Variants in NXPE2 observed in about 807,000 individuals in gnomAD.
The protein encoded by NXPE2 is NXPE family member 2.
In NXPE2, 34 loss-of-function variants were observed where a neutral mutation model predicts 34.4. The ratio of observed to expected loss-of-function variants is 0.99; its 90% CI spans 0.75 to 1.31. The LOEUF (loss-of-function observed/expected upper bound fraction) is 1.31, where lower values mean the gene tolerates loss of function less well. Ranked by LOEUF, NXPE2 falls within the 40% of genes most tolerant of loss-of-function variation. The pLI is 0.00. For missense variants in NXPE2, 649 were observed against 672.5 expected (o/e 0.97, Z 0.39); for synonymous variants, 235 against 231.3 (o/e 1.02, Z -0.15).
At chr11:114,597,331 T>C in the NXPE2 span, among the ~76,000 whole-genome samples, 21,825 of 152,182 alleles carry the variant, frequency 0.14, 1,991 homozygotes, top group East Asian at 0.4. Context: ...AACAGTGATC[T>C]GAAATCTGAA....
At chr11:114,482,527 A>G in the NXPE2 span, among the ~76,000 whole-genome samples, 1 of 152,138 alleles carries the variant, frequency 6.6e-6, no homozygotes, top group East Asian at 1.9e-4. Context: ...TTTTAACTAT[A>G]TTTTCAACAT....
At chr11:114,552,875 A>C in the NXPE2 span, 1 of 978,146 alleles carries the variant, frequency 1.0e-6, no homozygotes, top group African/African-American at 1.8e-5. Context: ...GGTAGCACAG[A>C]ATGCACTGAA....
chr11:114,508,916 T>C, the NXPE2 span, among the ~76,000 whole-genome samples: 6 of 151,824 alleles, frequency 4.0e-5, no homozygotes, highest in Non-Finnish European at 7.4e-5. Context: ...CTAAACTAAA[T>C]AGCACAGCAA....
chr11:114,682,077 G>A (rs1298489040), intron 2 of NXPE2, among the ~76,000 whole-genome samples: 2 of 152,090 alleles, frequency 1.3e-5, no homozygotes, highest in African/African-American at 4.8e-5. Flanking sequence ...TGAGAGAGGA[G>A]ACTTAATTTT....
At chr11:114,787,225 G>A in the NXPE2 span, among the ~76,000 whole-genome samples, 549 of 152,232 alleles carry the variant, frequency 3.6e-3, 3 homozygotes, top group African/African-American at 0.012. Context: ...AAAAAGCTCG[G>A]GAGCCTCCCT....
the NXPE2 span, chr11:114,512,761 C>T: frequency 2.2e-4 from 36 of 161,002 alleles, no homozygotes; most frequent in Non-Finnish European, 3.7e-4. Flanking sequence ...GTGAAAGGCT[C>T]TGCCCTTCTG....
the NXPE2 span, among the ~76,000 whole-genome samples, chr11:114,770,122 T>A: frequency 1.3e-5 from 2 of 152,226 alleles, no homozygotes; most frequent in Non-Finnish European, 2.9e-5. Flanking sequence ...TCTGCAAAGA[T>A]CTTTCCTTGG....
intron 2 of NXPE2, among the ~76,000 whole-genome samples, chr11:114,684,333 A>G (rs910046388): frequency 6.6e-6 from 1 of 152,072 alleles, no homozygotes; most frequent in Non-Finnish European, 1.5e-5. Flanking sequence ...AGTCTGAGGC[A>G]GGAGAATGGC....
chr11:114,523,159 C>G, the NXPE2 span: 2 of 1,111,658 alleles, frequency 1.8e-6, no homozygotes, highest in Non-Finnish European at 1.3e-6. Flanking sequence ...CTTTCCTGGT[C>G]TTTCATTTTC....
intron 2 of NXPE2, among the ~76,000 whole-genome samples, chr11:114,682,605 T>C (rs1565380610): frequency 1.3e-5 from 2 of 152,200 alleles, no homozygotes. Context: ...TACAGGAAGA[T>C]GCAAGGAAGT....
rs186862038 is a variant in NXPE2, at chr11:114,688,451, G to A, written c.132+8689G>A. 2.2e-3 allele frequency among the ~76,000 whole-genome samples: 333 copies of A among 152,150 alleles called. 1 individual carries two copies. The highest frequency in any genetic ancestry group is 3.7e-3 in the Non-Finnish European group (252 of 67,942). Reference sequence around the variant, plus strand: ...GGAATAAAGCCCACTTAATTGTGGCGAATTAACTTTTGATGTGCTGCTGAA... The same window carrying A: ...GGAATAAAGCCCACTTAATTGTGGCAAATTAACTTTTGATGTGCTGCTGAA... On this transcript the variant is annotated intron_variant, in intron 2 of 5. Coordinates refer to ENST00000389586, the MANE Select transcript of NXPE2 (RefSeq NM_182495.6).
the NXPE2 span, among the ~76,000 whole-genome samples, chr11:114,536,403 G>C: frequency 1.3e-5 from 2 of 152,136 alleles, no homozygotes; most frequent in Admixed American, 6.6e-5. Context: ...ATATTCAAAA[G>C]CTAGCAGAAG....
At chr11:114,707,903 G>A (rs1620705), downstream of NXPE2, among the ~76,000 whole-genome samples, 51,544 of 152,014 alleles carry the variant, frequency 0.34, 9,055 homozygotes, top group South Asian at 0.38. Flanking sequence ...ATAATATTCC[G>A]TTGTAAGTAT....
chr11:114,642,001 A>T, the NXPE2 span, among the ~76,000 whole-genome samples: 1 of 152,218 alleles, frequency 6.6e-6, no homozygotes, highest in East Asian at 1.9e-4. Flanking sequence ...GATAAATTTT[A>T]AAAACCCAAA....
At chr11:114,575,149 G>A in the NXPE2 span, among the ~76,000 whole-genome samples, 1 of 151,788 alleles carries the variant, frequency 6.6e-6, no homozygotes, top group Non-Finnish European at 1.5e-5. Flanking sequence ...GCATCCATTA[G>A]GATTAAAACC....
At chr11:114,809,121 A>G in the NXPE2 span, among the ~76,000 whole-genome samples, 1 of 152,152 alleles carries the variant, frequency 6.6e-6, no homozygotes, top group Admixed American at 6.5e-5. Context: ...GATGCAGAAA[A>G]GGCCTTTGAC....
the NXPE2 span, among the ~76,000 whole-genome samples, chr11:114,792,083 A>G: frequency 6.6e-6 from 1 of 152,134 alleles, no homozygotes; most frequent in African/African-American, 2.4e-5. Context: ...AGAAATAACT[A>G]AGATACGTGC....
the NXPE2 span, among the ~76,000 whole-genome samples, chr11:114,485,383 C>CT: frequency 0.077 from 6,864 of 89,128 alleles, 411 homozygotes; most frequent in East Asian, 0.16. Context: ...TAATTTTTGT[C>CT]TTTTTTTTTT....
At chr11:114,624,084 C>T in the NXPE2 span, among the ~76,000 whole-genome samples, 1 of 151,696 alleles carries the variant, frequency 6.6e-6, no homozygotes, top group East Asian at 1.9e-4. Flanking sequence ...ACCAGTGTTA[C>T]CCTCTGGATA....
Sources: gnomAD v4.1 joint callset for allele counts (sites outside exome capture counted in the v4.1 genomes callset) on GRCh38, gnomAD v4.1.1 for gene constraint, MANE v1.5 for transcripts, NCBI Gene and HGNC (gene_info 2026-07-23, HGNC 2026-07-21) for gene names.